The following RNF43 variants were observed in gnomAD, a reference collection of about 807,000 sequenced individuals.
The protein encoded by RNF43 is ring finger protein 43, also known as E3 ubiquitin-protein ligase RNF43.
In RNF43, 37 loss-of-function variants were observed where a neutral mutation model predicts 78.4. The ratio of observed to expected loss-of-function variants is 0.47; its 90% CI spans 0.36 to 0.62. The LOEUF (loss-of-function observed/expected upper bound fraction) is 0.62, where lower values mean the gene tolerates loss of function less well. Ranked by LOEUF, RNF43 falls within the 20% of genes least tolerant of loss-of-function variation. RNF43 has a pLI of 0.00. For missense variants in RNF43, 774 were observed against 1,007.9 expected, an observed-to-expected ratio of 0.77 and a Z score of 3.14; for synonymous variants, 347 against 395.0, an observed-to-expected ratio of 0.88 and a Z score of 1.44.
intron 2 of RNF43, 62 bp downstream of exon 2, chr17:58,415,264 A>G (rs2143693288): frequency 1.3e-6 from 2 of 1,559,874 alleles, no homozygotes; most frequent in Non-Finnish European, 8.8e-7. Flanking sequence ...CATTTGGGAG[A>G]CAAAAGAAGA....
In RNF43 at chr17:58,375,114, C is replaced by A. The variant is rs559253170; in HGVS notation, c.253-4081G>T. ...CTCACTATCGCTATTGTAATACAGG[C>A]CACCATCACTGCCAACCCTATTTAC... is the stretch of plus-strand genomic sequence containing the variant. On this transcript the variant is annotated intron_variant, in intron 2 of 9. Coordinates refer to ENST00000407977, the MANE Select transcript of RNF43 (RefSeq NM_017763.6). 2.4e-4 allele frequency among the ~76,000 whole-genome samples: 37 copies of A among 152,262 alleles called. 2 individuals are homozygous for A. The South Asian group carries it at 7.7e-3, about 32-fold the overall frequency.
chr17:58,356,343 T>A (rs1255495577), intron 9 of RNF43, among the ~76,000 whole-genome samples: 24 of 152,180 alleles, frequency 1.6e-4, no homozygotes, highest in Admixed American at 1.6e-3. Context: ...TTGTGTCACC[T>A]CCTGGGTTGG....
At chr17:58,405,025 A>G (rs1256593401) in intron 2 of RNF43, among the ~76,000 whole-genome samples, 1 of 150,336 alleles carries the variant, frequency 6.7e-6, no homozygotes, top group Non-Finnish European at 1.5e-5. Context: ...TAATTAACTG[A>G]TAACAGTAAA....
At chr17:58,395,592 A>C (rs1973663505) in intron 2 of RNF43, among the ~76,000 whole-genome samples, 1 of 152,224 alleles carries the variant, frequency 6.6e-6, no homozygotes, top group African/African-American at 2.4e-5. Context: ...TTTTGGAAGA[A>C]AGATCATGTA....
intron 2 of RNF43, among the ~76,000 whole-genome samples, chr17:58,399,792 C>A (rs1037232755): frequency 2.0e-5 from 3 of 152,074 alleles, no homozygotes; most frequent in Non-Finnish European, 4.4e-5. Flanking sequence ...CAGTTGCGTA[C>A]CACCACGCCT....
At chr17:58,377,705 A>T (rs1357274229) in intron 2 of RNF43, among the ~76,000 whole-genome samples, 1 of 8,570 alleles carries the variant, frequency 1.2e-4, no homozygotes, top group Non-Finnish European at 2.3e-4. Flanking sequence ...CCCACCACCG[A>T]CCTCTGCTGC....
At chr17:58,413,275 A>G (rs1481700080) in intron 2 of RNF43, among the ~76,000 whole-genome samples, 1 of 152,176 alleles carries the variant, frequency 6.6e-6, no homozygotes, top group Non-Finnish European at 1.5e-5. Flanking sequence ...ATAATTCAGA[A>G]GCTTGTTTTT....
At chr17:58,408,747 C>G (rs1268116228) in intron 2 of RNF43, among the ~76,000 whole-genome samples, 1 of 152,142 alleles carries the variant, frequency 6.6e-6, no homozygotes, top group Non-Finnish European at 1.5e-5. Context: ...ATGTGATAAG[C>G]ATGTTTTATT....
intron 2 of RNF43, among the ~76,000 whole-genome samples, chr17:58,388,796 T>C (rs1973487509): frequency 6.6e-6 from 1 of 152,142 alleles, no homozygotes; most frequent in African/African-American, 2.4e-5. Context: ...ATCTGTCAAA[T>C]GGATTTTTCA....
rs757339903 is a variant in RNF43 at position 58,353,977 on chromosome 17, C to G, written c.*966G>C. 1.1e-5 allele frequency: 2 copies of G among 186,654 alleles called. No individual in the cohort carries two copies. The highest frequency in any genetic ancestry group is 2.3e-5 in the Non-Finnish European group (2 of 88,124). The allele number at this position is 186,654 out of a possible 1,614,324, so 11.6% of individuals were successfully genotyped here. The stretch of plus-strand genomic sequence containing the variant: ...CCAGACTTGTGCTCTAATCCACTCT[C>G]CTGTGGGTCCCTGGCCTGTATGGCT... On this transcript the variant is annotated 3_prime_UTR_variant, in exon 10 of 10. Coordinates refer to ENST00000407977, the MANE Select transcript of RNF43 (RefSeq NM_017763.6).
chr17:58,378,759 G>A (rs2680708), intron 2 of RNF43, among the ~76,000 whole-genome samples: 72,358 of 151,910 alleles, frequency 0.48, 18,472 homozygotes, highest in African/African-American at 0.68. Context: ...GCTGGTGAGC[G>A]AAAGAGCTGA....
At chr17:58,389,020 A>T (rs1239667221) in intron 2 of RNF43, among the ~76,000 whole-genome samples, 3 of 152,362 alleles carry the variant, frequency 2.0e-5, no homozygotes, top group African/African-American at 7.2e-5. Context: ...TATGCAAAAA[A>T]GGAATCATCC....
Position 58,358,453 on chromosome 17 carries a change from A to G in RNF43, c.1323T>C (p.Pro441=), listed in dbSNP as rs1567873743. The change falls in exon 9 of 10, where the codon CCT becomes CCC. Residue 441 remains proline (P), a synonymous_variant. Coordinates refer to ENST00000407977, the MANE Select transcript of RNF43 (RefSeq NM_017763.6). The surrounding 1 kb of genome is among the most constrained non-coding windows in gnomAD (Gnocchi z 6.2). ...AGCTTTCTCCAGATCCACTGCTGTC[A>G]GGGGGCCTGGCCCGGCGTAGGGGCA... ...CPVPLRRARP[P]DSSGSGESYC... is the part of the protein sequence containing the mutation. 1 of 1,613,990 alleles carries G rather than the reference A, an allele frequency of 6.2e-7. No individual in the cohort carries two copies. Among genetic ancestry groups the G allele is most frequent in the Non-Finnish European group, 8.5e-7 (1 of 1,179,968 alleles).
chr17:58,386,772 C>A (rs1973446574), intron 2 of RNF43, among the ~76,000 whole-genome samples: 1 of 152,100 alleles, frequency 6.6e-6, no homozygotes, highest in Non-Finnish European at 1.5e-5. Flanking sequence ...CCCCAAATAT[C>A]TCGTTTGTAT....
At position 58,358,431 on chromosome 17, in the gene RNF43, T is replaced by C. The variant is rs201550317; in HGVS notation, c.1345A>G (p.Ser449Gly). The C allele has an allele frequency of 1.9e-6, 3 of 1,614,026 alleles. No individual in the cohort carries two copies. The highest frequency in any genetic ancestry group is 2.2e-5 in the East Asian group (1 of 44,872). The part of the protein sequence containing the change: ...RPPDSSGSGE[S>G]YCTERSGYLA... ...TACCCACTGCGTTCTGTGCAATAGC[T>C]TTCTCCAGATCCACTGCTGTCAGGG... is the stretch of plus-strand genomic sequence containing the variant. The change falls in exon 9 of 10, where the codon AGC becomes GGC. Residue 449 changes from serine (S) to glycine (G), a missense_variant. Coordinates refer to ENST00000407977, the MANE Select transcript of RNF43 (RefSeq NM_017763.6). The surrounding 1 kb of genome is among the most constrained non-coding windows in gnomAD (Gnocchi z 6.2).
chr17:58,409,851 C>A (rs1351789042), intron 2 of RNF43, among the ~76,000 whole-genome samples: 1 of 152,064 alleles, frequency 6.6e-6, no homozygotes, highest in Non-Finnish European at 1.5e-5. Flanking sequence ...GTGCCACTGC[C>A]CTCCATCCTG....
At chr17:58,372,100 T>C (rs1289871403) in intron 2 of RNF43, among the ~76,000 whole-genome samples, 2 of 152,184 alleles carry the variant, frequency 1.3e-5, no homozygotes, top group African/African-American at 4.8e-5. Context: ...CCTCTACTAC[T>C]GTTGATGTCT....
rs1290814613 is a variant in RNF43 at position 58,358,921 on chromosome 17, G to A, written c.953-98C>T. 4.7e-6 allele frequency: 6 copies of A among 1,272,032 alleles called. No homozygotes were observed. Among genetic ancestry groups the A allele is most frequent in the Middle Eastern group, 2.8e-4 (1 of 3,628 alleles). 78.8% of individuals were successfully genotyped at this position (1,272,032 alleles called of 1,614,324 possible). A position where few individuals can be genotyped will look rare whatever the true frequency, so the allele number is the denominator to read the frequency against. On this transcript the variant is annotated intron_variant, in intron 8 of 9. Coordinates refer to ENST00000407977, the MANE Select transcript of RNF43 (RefSeq NM_017763.6). This position sits in a 1 kb window ranked among gnomAD's most constrained non-coding sequence, Gnocchi z 6.2. Reference sequence around the variant, plus strand: ...CTGTAGCTAATCTATTTGACCCTGAGTAGCCTGTGAGCTCAGAGTTTGGGG... The same window carrying A: ...CTGTAGCTAATCTATTTGACCCTGAATAGCCTGTGAGCTCAGAGTTTGGGG...
At chr17:58,362,413 G>A (rs1290221612) in intron 6 of RNF43, 131 bp downstream of exon 6, 4 of 570,204 alleles carry the variant, frequency 7.0e-6, no homozygotes, top group African/African-American at 1.9e-5. Context: ...AAAGACAGAC[G>A]CTGGGGTATT....
Sources: gnomAD v4.1 joint callset for allele counts (sites outside exome capture counted in the v4.1 genomes callset) on GRCh38, gnomAD v4.1.1 for gene constraint, Gnocchi (gnomAD v3.1) non-coding constraint, MANE v1.5 for transcripts, NCBI Gene and HGNC (gene_info 2026-07-23, HGNC 2026-07-21) for gene names.